MARCHF6: variants seen among roughly 807,000 people sequenced by gnomAD.
MARCHF6 encodes the protein membrane associated ring-CH-type finger 6.
In MARCHF6, 31 loss-of-function variants were observed where a neutral mutation model predicts 133.7. The observed-to-expected ratio is 0.23, with a 90% CI of 0.17 to 0.31. The LOEUF is 0.31. MARCHF6 is among the 10% of genes least tolerant of loss of function. The probability of loss-of-function intolerance (pLI) is 1.00; values close to 1 mark genes in which losing one functional copy is unlikely to be tolerated. For synonymous variants in MARCHF6, 395 were observed against 402.5 expected, an observed-to-expected ratio of 0.98 and a Z score of 0.22; for missense variants, 723 against 1,121.6, an observed-to-expected ratio of 0.64 and a Z score of 5.08.
chr5:10,428,718 C>G (rs1456805698), intron 24 of MARCHF6, among the ~76,000 whole-genome samples: 1 of 152,122 alleles, frequency 6.6e-6, no homozygotes, highest in Non-Finnish European at 1.5e-5. Context: ...CTGGTTTTGT[C>G]TAGAGTAGGA....
rs772602907 is a variant in MARCHF6 at position 10,401,972 on chromosome 5, T to TAAAA, written c.973-86_973-85insAAAA. 9.4e-5 allele frequency: 73 copies of TAAAA among 778,108 alleles called. 1 individual carries two copies. The highest frequency in any genetic ancestry group is 1.5e-4 in the Non-Finnish European group (66 of 447,870). The allele number at this position is 778,108 out of a possible 1,614,324, so 48.2% of individuals were successfully genotyped here. On this transcript the variant is annotated intron_variant, in intron 11 of 25. Transcript: ENST00000274140. ...ATAAATTGTCTCAACAATTCTCTTTTAGTCATTTAGATTGTTTAATATGGG... is the reference window on the plus strand; with the variant it reads ...ATAAATTGTCTCAACAATTCTCTTTTAAAAAGTCATTTAGATTGTTTAATATGGG...
At position 10,377,840 on chromosome 5, in the gene MARCHF6, C is replaced by T; in HGVS notation, c.62C>T (p.Pro21Leu). The T allele has an allele frequency of 1.9e-6, 3 of 1,613,504 alleles. No individual in the cohort carries two copies. Among genetic ancestry groups the T allele is most frequent in the Non-Finnish European group, 2.5e-6 (3 of 1,179,576 alleles). ...CGGTCAGAAGGAACACCTGAGAAAC[C>T]GCTTTATCATCCTTGTGTATGTACT... ...VCRSEGTPEK[P>L]LYHPCVCTGS... The change falls in exon 2 of 26, where the codon CCG (proline) becomes CTG (leucine). Residue 21 changes from proline (P) to leucine (L), a missense_variant. By Grantham distance (98) the Pro-to-Leu change is moderately conservative. This residue lies in a region of MARCHF6 where 91 missense variants were observed against 208.8 expected (regional missense o/e 0.44). Coordinates refer to ENST00000274140, the MANE Select transcript of MARCHF6 (RefSeq NM_005885.4).
chr5:10,366,689 T>G (rs1736157934), intron 1 of MARCHF6, among the ~76,000 whole-genome samples: 1 of 152,146 alleles, frequency 6.6e-6, no homozygotes, highest in African/African-American at 2.4e-5. Context: ...GCCCTTAGAA[T>G]TTATTGGGTA....
In MARCHF6 at chr5:10,440,276, C is replaced by T. The variant is rs1040923517; in HGVS notation, c.*6592C>T. ...TAATGTGTCTATGGCCAAAATAAAA[C>T]CTGAAATCCCTGTCCTATTTCCCAG... is the stretch of plus-strand genomic sequence containing the variant. On this transcript the variant is annotated 3_prime_UTR_variant, in exon 26 of 26. Transcript: ENST00000274140. 2.0e-5 allele frequency: 3 copies of T among 152,142 alleles called. No homozygotes were observed. The highest frequency in any genetic ancestry group is 7.2e-5 in the African/African-American group (3 of 41,416). 9.4% of individuals were successfully genotyped at this position (152,142 alleles called of 1,614,324 possible). A position where few individuals can be genotyped will look rare whatever the true frequency, so the allele number is the denominator to read the frequency against.
chr5:10,412,959 G>A (rs1389362067), intron 19 of MARCHF6, among the ~76,000 whole-genome samples: 2 of 152,094 alleles, frequency 1.3e-5, no homozygotes, highest in Non-Finnish European at 2.9e-5. Flanking sequence ...GAGTGGTGAG[G>A]GATAAGGTGG....
At position 10,381,490 on chromosome 5, in the gene MARCHF6, A is replaced by C. The variant is rs1330923075; in HGVS notation, c.191-310A>C. On this transcript the variant is annotated intron_variant, in intron 3 of 25. Transcript: ENST00000274140. ...GGAAACCAGATGATTATATTGGTTG[A>C]ATGTTAAAATGTGTGTAAATGGGCC... is the stretch of plus-strand genomic sequence containing the variant. Among the ~76,000 whole-genome samples the C allele has an allele frequency of 2.6e-5, 4 of 152,192 alleles. No individual in the cohort carries two copies. The East Asian group carries it at 7.7e-4, about 29-fold the overall frequency.
chr5:10,400,102 C>A (rs1379224281), intron 10 of MARCHF6, among the ~76,000 whole-genome samples: 1 of 152,182 alleles, frequency 6.6e-6, no homozygotes, highest in Non-Finnish European at 1.5e-5. Flanking sequence ...ACTTTTATCA[C>A]TGGATTCAGC....
chr5:10,361,444 C>T (rs1025843132), intron 1 of MARCHF6, among the ~76,000 whole-genome samples: 1 of 152,118 alleles, frequency 6.6e-6, no homozygotes, highest in Non-Finnish European at 1.5e-5. Flanking sequence ...AGATGATTGT[C>T]TTCTGTGTCT....
In MARCHF6 at chr5:10,391,920, C is replaced by T. The variant is rs552828032; in HGVS notation, c.766+189C>T. Among the ~76,000 whole-genome samples the T allele has an allele frequency of 9.3e-5, 14 of 150,626 alleles. No homozygotes were observed. In the South Asian group the frequency reaches 1.3e-3, roughly 14 times the overall value. On this transcript the variant is annotated intron_variant, in intron 7 of 25. Transcript: ENST00000274140. ...CATAAATATGTTTTTTTCTATGAAA[C>T]AGGGCATGTTTTGTGTTTTAAAATC... is the stretch of plus-strand genomic sequence containing the variant.
At chr5:10,410,844 CCTAA>C (rs1201410921) in intron 18 of MARCHF6, among the ~76,000 whole-genome samples, 1 of 152,176 alleles carries the variant, frequency 6.6e-6, no homozygotes, top group Non-Finnish European at 1.5e-5. Context: ...TCATTTCTGA[CCTAA>C]CTGATTTATA....
chr5:10,385,899 T>A (rs1001354530), intron 4 of MARCHF6, among the ~76,000 whole-genome samples: 6 of 152,206 alleles, frequency 3.9e-5, no homozygotes, highest in African/African-American at 1.4e-4. Flanking sequence ...TTGATTTCTG[T>A]TCTAATTTGT....
chr5:10,401,793 T>G (rs1738548100), intron 11 of MARCHF6: 2 of 505,120 alleles, frequency 4.0e-6, no homozygotes, highest in Admixed American at 3.6e-5. Context: ...TGCTCTTGTT[T>G]TTGTAAAATT....
chr5:10,387,135 T>G, intron 5 of MARCHF6, 69 bp downstream of exon 5: 1 of 1,123,112 alleles, frequency 8.9e-7, no homozygotes, highest in East Asian at 2.5e-5. Flanking sequence ...CTTGCATATT[T>G]ATTTTATTAT....
Position 10,434,198 on chromosome 5 carries a change from A to G in MARCHF6, c.*514A>G, listed in dbSNP as rs1426634773. Reference sequence around the variant, plus strand: ...GGAAACAAGTAGAAATCAGCAGTGGAGTGTCTGTGGTAAGAAAACATGAAC... The same window carrying G: ...GGAAACAAGTAGAAATCAGCAGTGGGGTGTCTGTGGTAAGAAAACATGAAC... On this transcript the variant is annotated 3_prime_UTR_variant, in exon 26 of 26. Coordinates refer to ENST00000274140, the MANE Select transcript of MARCHF6 (RefSeq NM_005885.4). 6.5e-6 allele frequency: 1 copy of G among 154,406 alleles called. No individual in the cohort carries two copies. Among genetic ancestry groups the G allele is most frequent in the Non-Finnish European group, 1.4e-5 (1 of 69,196 alleles). 9.6% of individuals were successfully genotyped at this position (154,406 alleles called of 1,614,324 possible).
At chr5:10,387,182 A>G (rs574601938) in intron 5 of MARCHF6, 116 bp downstream of exon 5, 3 of 692,632 alleles carry the variant, frequency 4.3e-6, no homozygotes, top group African/African-American at 3.6e-5. Context: ...ACAATAATTT[A>G]TGTCTATTAC....
chr5:10,383,895 C>T (rs1016462161), intron 4 of MARCHF6, among the ~76,000 whole-genome samples: 2 of 152,124 alleles, frequency 1.3e-5, no homozygotes, highest in African/African-American at 4.8e-5. Flanking sequence ...TTGCTTATCT[C>T]ATTTGTGGGG....
chr5:10,411,434 C>T lies in MARCHF6; in HGVS notation c.1793C>T (p.Pro598Leu). The T allele has an allele frequency of 1.9e-6, 3 of 1,614,168 alleles. No homozygotes were observed. The highest frequency in any genetic ancestry group is 2.5e-6 in the Non-Finnish European group (3 of 1,180,008). Residue 598 changes from proline to leucine, a missense_variant, in exon 19 of 26, where the codon CCT becomes CTT. Physicochemically the swap from Pro to Leu is moderately conservative, Grantham distance 98. Coordinates refer to ENST00000274140, the MANE Select transcript of MARCHF6 (RefSeq NM_005885.4). ...CATGCTCGAAATAACAACGCTATTC[C>T]TGTGGTGGGAGAAGGCCTTCATGCA... is the stretch of plus-strand genomic sequence containing the variant. ...NQHARNNNAI[P>L]VVGEGLHAAH...
chr5:10,416,819 G>A (rs1270093562), intron 21 of MARCHF6, among the ~76,000 whole-genome samples: 1 of 152,112 alleles, frequency 6.6e-6, no homozygotes, highest in Non-Finnish European at 1.5e-5. Context: ...TACCATATTT[G>A]ACAGATACAG....
At chr5:10,395,841 T>A (rs1308470571) in intron 9 of MARCHF6, among the ~76,000 whole-genome samples, 1 of 152,244 alleles carries the variant, frequency 6.6e-6, no homozygotes, top group African/African-American at 2.4e-5. Flanking sequence ...ATGTTGAATT[T>A]AGCAGTTGTG....
Sources: allele counts gnomAD v4.1 joint callset (sites outside exome capture counted in the v4.1 genomes callset), GRCh38; gene constraint gnomAD v4.1.1; regional missense constraint gnomAD v4.1.1; transcripts MANE v1.5; gene names NCBI Gene and HGNC (gene_info 2026-07-23, HGNC 2026-07-21).